Variants in HSPB1 observed in about 807,000 individuals in gnomAD.
HSPB1 encodes heat shock protein family B (small) member 1, also known as heat shock protein beta-1.
A neutral mutation model predicts 17.0 loss-of-function variants in HSPB1; 19 were observed. The ratio of observed to expected loss-of-function variants is 1.12; its 90% CI spans 0.78 to 1.64. The LOEUF (loss-of-function observed/expected upper bound fraction) is 1.64, where lower values mean the gene tolerates loss of function less well. Ranked by LOEUF, HSPB1 falls within the 40% of genes most tolerant of loss-of-function variation. The pLI, the probability that HSPB1 is intolerant of heterozygous loss-of-function variation, is 0.00. For synonymous variants in HSPB1, 165 were observed against 129.8 expected (o/e 1.27, Z -1.84); for missense variants, 348 against 289.2 (o/e 1.20, Z -1.47).
chr7:76,303,731 G>T (rs145206720), intron 1 of HSPB1, 71 bp from the exon 2 acceptor site: 2 of 1,369,966 alleles, frequency 1.5e-6, no homozygotes, highest in Non-Finnish European at 2.1e-6. Flanking sequence ...GCAGGAGGTG[G>T]GGCCTCTGGC....
At position 76,304,028 on chromosome 7, in the gene HSPB1, C is replaced by G. The variant is rs1327017762; in HGVS notation, c.473C>G (p.Ser158Cys). The G allele has an allele frequency of 1.2e-6, 2 of 1,613,924 alleles. No homozygotes were observed. Among genetic ancestry groups the G allele is most frequent in the African/African-American group, 1.3e-5 (1 of 75,054 alleles). ...CCCACCCAAGTTTCCTCCTCCCTGT[C>G]CCCTGAGGGCACACTGACCGTGGAG... ...VDPTQVSSSL[S>C]PEGTLTVEAP... The change falls in exon 3 of 3, where the codon TCC (serine) becomes TGC (cysteine). Residue 158 changes from serine (S) to cysteine (C), a missense_variant. By Grantham distance (112) the Ser-to-Cys change is moderately radical. Transcript: ENST00000248553.
intron 1 of HSPB1, 57 bp from the exon 2 acceptor site, chr7:76,303,745 G>C: frequency 6.6e-7 from 1 of 1,523,018 alleles, no homozygotes. Flanking sequence ...CTCTGGCCTA[G>C]CGGGGCCGAA....
chr7:76,303,678 C>G (rs564183601), intron 1 of HSPB1, 124 bp from the exon 2 acceptor site: 2 of 723,028 alleles, frequency 2.8e-6, no homozygotes, highest in South Asian at 1.6e-5. Context: ...TCCCCAACCC[C>G]CTCTGTTAAT....
chr7:76,303,535 G>A, intron 1 of HSPB1: 1 of 580,064 alleles, frequency 1.7e-6, no homozygotes. Flanking sequence ...CTGAGTGGGC[G>A]TGTGCGCGGC....
rs36112129 is a variant in HSPB1 at position 76,303,540 on chromosome 7, C to T, written c.365-262C>T. 724 of 582,000 alleles carry T rather than the reference C, an allele frequency of 1.2e-3. 8 individuals carry two copies. In the East Asian group the frequency reaches 0.02, roughly 16 times the overall value. The allele number at this position is 582,000 out of a possible 1,614,324, so 36.1% of individuals were successfully genotyped here. On this transcript the variant is annotated intron_variant, in intron 1 of 2. Transcript: ENST00000248553. ...TTTCTAGCCGCTGAGTGGGCGTGTG[C>T]GCGGCTCCAAGTGCGCCTGCGTACT...
At chr7:76,303,504 C>G (rs1583965531) in intron 1 of HSPB1, 1 of 566,856 alleles carries the variant, frequency 1.8e-6, no homozygotes, top group East Asian at 3.0e-5. Context: ...AGTTCCCTGG[C>G]GCGGTGCCAG....
At position 76,303,008 on chromosome 7, in the gene HSPB1, T is replaced by C; in HGVS notation, c.296T>C (p.Leu99Pro). 6.5e-7 allele frequency: 1 copy of C among 1,543,832 alleles called. No individual in the cohort carries two copies. Among genetic ancestry groups the C allele is most frequent in the Non-Finnish European group, 8.7e-7 (1 of 1,149,844 alleles). ...ACTGCGGACCGCTGGCGCGTGTCCC[T>C]GGATGTCAACCACTTCGCCCCGGAC... ...RHTADRWRVS[L>P]DVNHFAPDEL... The change falls in exon 1 of 3, where the codon CTG becomes CCG. Residue 99 changes from leucine (L) to proline (P), a missense_variant. By Grantham distance (98) the Leu-to-Pro change is moderately conservative. Coordinates refer to ENST00000248553, the MANE Select transcript of HSPB1 (RefSeq NM_001540.5).
intron 1 of HSPB1, chr7:76,303,567 C>T: frequency 1.7e-6 from 1 of 598,554 alleles, no homozygotes; most frequent in Non-Finnish European, 3.0e-6. Flanking sequence ...CTGCGTACTG[C>T]TCACTCCCCA....
intron 1 of HSPB1, 146 bp downstream of exon 1, chr7:76,303,222 G>A (rs1461406972): frequency 9.9e-7 from 1 of 1,007,204 alleles, no homozygotes; most frequent in African/African-American, 1.6e-5. Flanking sequence ...TGATTCCCTT[G>A]CTCAGGAATT....
At position 76,302,891 on chromosome 7, in the gene HSPB1, C is replaced by T. The variant is rs112075084; in HGVS notation, c.179C>T (p.Pro60Leu). The change falls in exon 1 of 3, where the codon CCC becomes CTC. Residue 60 changes from proline to leucine, a missense_variant. By Grantham distance (98) the Pro-to-Leu change is moderately conservative. Transcript: ENST00000248553. ...SWPGYVRPLPPAAIESPAVAA... is the reference protein window; with the variant it reads ...SWPGYVRPLPLAAIESPAVAA... ...CCAGGCTACGTGCGCCCCCTGCCCC[C>T]CGCCGCCATCGAGAGCCCCGCAGTG... 6.4e-7 allele frequency: 1 copy of T among 1,558,160 alleles called. No individual in the cohort carries two copies. Among genetic ancestry groups the T allele is most frequent in the Middle Eastern group, 1.9e-4 (1 of 5,376 alleles).
At position 76,303,000 on chromosome 7, in the gene HSPB1, C is replaced by T; in HGVS notation, c.288C>T (p.Arg96=). Residue 96 remains arginine, a synonymous_variant, in exon 1 of 3, where the codon CGC becomes CGT. Transcript: ENST00000248553. ...TCCGGCACACTGCGGACCGCTGGCGCGTGTCCCTGGATGTCAACCACTTCG... is the reference window on the plus strand; with the variant it reads ...TCCGGCACACTGCGGACCGCTGGCGTGTGTCCCTGGATGTCAACCACTTCG... ...SEIRHTADRW[R]VSLDVNHFAP... 6.5e-7 allele frequency: 1 copy of T among 1,543,678 alleles called. No homozygotes were observed. Among genetic ancestry groups the T allele is most frequent in the Non-Finnish European group, 8.7e-7 (1 of 1,149,876 alleles).
rs765618662 is a variant in HSPB1 at position 76,303,838 on chromosome 7, T to A, written c.401T>A (p.Ile134Asn). The change falls in exon 2 of 3, where the codon ATC becomes AAC. Residue 134 changes from isoleucine (I) to asparagine (N), a missense_variant. By Grantham distance (149) the Ile-to-Asn change is moderately radical. Transcript: ENST00000248553. ...HEERQDEHGY[I>N]SRCFTRKYTL... ...GAGCGGCAGGACGAGCATGGCTACA[T>A]CTCCCGGTGCTTCACGCGGAAATAC... 8 of 1,592,976 alleles carry A rather than the reference T, an allele frequency of 5.0e-6. No homozygotes were observed. The highest frequency in any genetic ancestry group is 6.8e-6 in the Non-Finnish European group (8 of 1,172,132).
rs756356926 is a variant in HSPB1 at position 76,303,868 on chromosome 7, G to C, written c.428+3G>C. 3 of 1,600,484 alleles carry C rather than the reference G, an allele frequency of 1.9e-6. No homozygotes were observed. Among genetic ancestry groups the C allele is most frequent in the South Asian group, 2.2e-5 (2 of 90,762 alleles). ...CGGTGCTTCACGCGGAAATACACGT[G>C]AGTCCTGGCGCCAGGTCGGGGTGGG... On this transcript the variant is annotated splice_donor_region_variant and intron_variant, in intron 2 of 2. Transcript: ENST00000248553.
chr7:76,302,917 G>A lies in HSPB1; in HGVS notation c.205G>A (p.Ala69Thr). The A allele has an allele frequency of 6.5e-7, 1 of 1,543,128 alleles. No homozygotes were observed. Among genetic ancestry groups the A allele is most frequent in the Non-Finnish European group, 8.7e-7 (1 of 1,149,974 alleles). ...CGCCGCCATCGAGAGCCCCGCAGTG[G>A]CCGCGCCCGCCTACAGCCGCGCGCT... ...PPAAIESPAV[A>T]APAYSRALSR... The change falls in exon 1 of 3, where the codon GCC becomes ACC. Residue 69 changes from alanine to threonine, a missense_variant. Physicochemically the swap from Ala to Thr is moderately conservative, Grantham distance 58. Transcript: ENST00000248553.
At chr7:76,303,158 C>T in intron 1 of HSPB1, 82 bp downstream of exon 1, 2 of 1,459,596 alleles carry the variant, frequency 1.4e-6, no homozygotes, top group Non-Finnish European at 9.1e-7. Flanking sequence ...AAACGGGGGT[C>T]CCGGGGGCCT....
chr7:76,303,210 C>A (rs1400581461), intron 1 of HSPB1, 134 bp downstream of exon 1: 1 of 1,073,946 alleles, frequency 9.3e-7, no homozygotes, highest in Admixed American at 2.7e-5. Flanking sequence ...AAACAGGACT[C>A]CTGATTCCCT....
At position 76,303,795 on chromosome 7, in the gene HSPB1, C is replaced by A; in HGVS notation, c.365-7C>A. ...CCCGCAGTCTGATTTCCCTCTTCCC[C>A]CCAAAGGCAAGCACGAGGAGCGGCA... On this transcript the variant is annotated splice_region_variant and splice_polypyrimidine_tract_variant and intron_variant, in intron 1 of 2. Transcript: ENST00000248553. 2 of 1,610,766 alleles carry A rather than the reference C, an allele frequency of 1.2e-6. No individual in the cohort carries two copies. The highest frequency in any genetic ancestry group is 1.7e-6 in the Non-Finnish European group (2 of 1,179,676).
At position 76,303,902 on chromosome 7, in the gene HSPB1, G is replaced by GT. The variant is rs747751610; in HGVS notation, c.428+38dup. 1.4e-5 allele frequency: 22 copies of GT among 1,594,682 alleles called. No homozygotes were observed. In the African/African-American group the frequency reaches 2.7e-4, roughly 20 times the overall value. On this transcript the variant is annotated intron_variant, in intron 2 of 2. Coordinates refer to ENST00000248553, the MANE Select transcript of HSPB1 (RefSeq NM_001540.5). Reference sequence around the variant, plus strand: ...CGCCAGGTCGGGGTGGGTGGGTGGCGTGGGGGTGGGGTCAGGGAAGAGGGC... The same window carrying GT: ...CGCCAGGTCGGGGTGGGTGGGTGGCGTTGGGGGTGGGGTCAGGGAAGAGGGC...
rs747433465 is a variant in HSPB1, at chr7:76,302,859, C to T, written c.147C>T (p.Ser49=). ...PEEWSQWLGG[S]SWPGYVRPLP... ...AGTGGTCGCAGTGGTTAGGCGGCAG[C>T]AGCTGGCCAGGCTACGTGCGCCCCC... is the stretch of plus-strand genomic sequence containing the variant. Residue 49 remains serine, a synonymous_variant, in exon 1 of 3, where the codon AGC becomes AGT. Transcript: ENST00000248553. The T allele has an allele frequency of 2.5e-6, 4 of 1,589,596 alleles. No individual in the cohort carries two copies. The highest frequency in any genetic ancestry group is 3.4e-6 in the Non-Finnish European group (4 of 1,172,464).
Sources: gnomAD v4.1 joint callset for allele counts on GRCh38, gnomAD v4.1.1 for gene constraint, MANE v1.5 for transcripts, NCBI Gene and HGNC (gene_info 2026-07-23, HGNC 2026-07-21) for gene names.